UGT1A4: variants seen among roughly 807,000 people sequenced by gnomAD.
UGT1A4 encodes UDP-glucuronosyltransferase 1A4.
In UGT1A4, 32 loss-of-function variants were observed where a neutral mutation model predicts 41.1. The observed-to-expected ratio is 0.78, with a 90% confidence interval of 0.59 to 1.05. UGT1A4 has a LOEUF of 1.05. UGT1A4 is among the 50% of genes least tolerant of loss of function. UGT1A4 has a pLI of 0.00. For synonymous variants in UGT1A4, 283 were observed against 265.1 expected (o/e 1.07, Z -0.66); for missense variants, 748 against 677.4 (o/e 1.10, Z -1.16).
chr2:233,721,049 T>C (rs1041518517), intron 1 of UGT1A4, among the ~76,000 whole-genome samples: 1 of 152,122 alleles, frequency 6.6e-6, no homozygotes, highest in Non-Finnish European at 1.5e-5. Context: ...GAGCCCTTTT[T>C]TGTCATATTC....
rs148007151 is a variant in UGT1A4, at chr2:233,719,072, G to C, written c.252G>C (p.Trp84Cys). 2 of 1,614,284 alleles carry C rather than the reference G, an allele frequency of 1.2e-6. No individual in the cohort carries two copies. Among genetic ancestry groups the C allele is most frequent in the African/African-American group, 2.7e-5 (2 of 75,080 alleles). The change falls in exon 1 of 5, where the codon TGG (tryptophan) becomes TGC (cysteine). Residue 84 changes from tryptophan (W) to cysteine (C), a missense_variant. By Grantham distance (215) the Trp-to-Cys change is radical. Transcript: ENST00000373409. ...CCCTGACAGCCTATGCTGTTCCATG[G>C]ACCCAGAAGGAATTTGATCGCGTTA... The part of the protein sequence containing the change: ...FFTLTAYAVP[W>C]TQKEFDRVTL...
chr2:233,767,812 T>G, intron 2 of UGT1A4, 37 bp from the exon 3 acceptor site: 9 of 1,614,150 alleles, frequency 5.6e-6, no homozygotes, highest in Non-Finnish European at 7.6e-6. Flanking sequence ...TCATATTATG[T>G]TCTTTCTTTA....
chr2:233,745,363 G>T (rs1011191922), intron 1 of UGT1A4, among the ~76,000 whole-genome samples: 1 of 151,804 alleles, frequency 6.6e-6, no homozygotes, highest in African/African-American at 2.4e-5. Flanking sequence ...ATTTTTTTGA[G>T]ATCTGAGTTC....
chr2:233,757,194 T>A (rs1696434308), intron 1 of UGT1A4, among the ~76,000 whole-genome samples: 1 of 150,834 alleles, frequency 6.6e-6, no homozygotes, highest in Non-Finnish European at 1.5e-5. Context: ...GACTCTGAAT[T>A]TTCTGTGCCC....
Position 233,765,707 on chromosome 2 carries a change from ATAAT to A in UGT1A4, c.868-1322_868-1319del, listed in dbSNP as rs1196419117. Among the ~76,000 whole-genome samples, 12 of 144,042 alleles carry A rather than the reference ATAAT, an allele frequency of 8.3e-5. No individual in the cohort carries two copies. The East Asian group carries it at 2.3e-3, about 27-fold the overall frequency. 94.5% of individuals were successfully genotyped at this position (144,042 alleles called of 152,430 possible). Reference sequence around the variant, plus strand: ...GAACTTCAAGTAAATAATAATAATAATAATTAATAATAATAATAATAATAAATAA... The same window carrying A: ...GAACTTCAAGTAAATAATAATAATAATAATAATAATAATAATAATAAATAA... On this transcript the variant is annotated intron_variant, in intron 1 of 4. Transcript: ENST00000373409.
intron 1 of UGT1A4, chr2:233,740,664 A>G (rs1345559084): frequency 6.6e-6 from 1 of 151,798 alleles, no homozygotes; most frequent in East Asian, 1.9e-4. Context: ...GTGAGAAGGT[A>G]CAGGTGTTTC....
intron 1 of UGT1A4, chr2:233,748,021 T>C: frequency 1.9e-6 from 3 of 1,613,578 alleles, no homozygotes; most frequent in Non-Finnish European, 2.5e-6. Context: ...AGGCCGATCA[T>C]GCCCAACATG....
intron 1 of UGT1A4, among the ~76,000 whole-genome samples, chr2:233,745,590 G>A (rs565744032): frequency 1.3e-5 from 2 of 151,664 alleles, no homozygotes; most frequent in Admixed American, 6.5e-5. Context: ...CCTGAGACCC[G>A]GACTTGGCAC....
chr2:233,729,879 T>C (rs2125748829), intron 1 of UGT1A4: 1 of 1,613,906 alleles, frequency 6.2e-7, no homozygotes, highest in Non-Finnish European at 8.5e-7. Context: ...TTCTCAGTCA[T>C]GCATCTGTGT....
chr2:233,757,451 G>GTC (rs1696532284), intron 1 of UGT1A4, among the ~76,000 whole-genome samples: 1 of 150,202 alleles, frequency 6.7e-6, no homozygotes, highest in South Asian at 2.1e-4. Context: ...ACAGAAACAT[G>GTC]TCCAGAGCGC....
At chr2:233,750,678 C>T (rs1368928453) in intron 1 of UGT1A4, 1 of 151,600 alleles carries the variant, frequency 6.6e-6, no homozygotes, top group Admixed American at 6.5e-5. Context: ...CCCAGTGGCT[C>T]CAGCCATGGC....
chr2:233,745,955 G>T (rs1353220886), intron 1 of UGT1A4, among the ~76,000 whole-genome samples: 1 of 151,634 alleles, frequency 6.6e-6, no homozygotes, highest in Non-Finnish European at 1.5e-5. Flanking sequence ...GGCAACTGGG[G>T]GACAGGGGCC....
intron 1 of UGT1A4, among the ~76,000 whole-genome samples, chr2:233,757,562 G>GTATATATATA (rs1491042837): frequency 2.2e-5 from 2 of 90,868 alleles, no homozygotes; most frequent in Admixed American, 1.0e-4. Flanking sequence ...ATATATATAT[G>GTATATATATA]TATATATGAT....
chr2:233,734,166 G>A (rs959172847), intron 1 of UGT1A4, among the ~76,000 whole-genome samples: 2 of 151,962 alleles, frequency 1.3e-5, no homozygotes, highest in Non-Finnish European at 2.9e-5. Flanking sequence ...GACTTTTTTT[G>A]GTTGGTAGGC....
intron 1 of UGT1A4, among the ~76,000 whole-genome samples, chr2:233,735,435 G>C (rs2078651212): frequency 6.6e-6 from 1 of 152,062 alleles, no homozygotes; most frequent in South Asian, 2.1e-4. Flanking sequence ...CCTGAATACA[G>C]CATACCGATG....
intron 1 of UGT1A4, among the ~76,000 whole-genome samples, chr2:233,738,740 C>T (rs1235036519): frequency 1.3e-5 from 2 of 152,136 alleles, no homozygotes; most frequent in Non-Finnish European, 2.9e-5. Context: ...GCAGCCTGAC[C>T]ATGTGGTAGA....
chr2:233,758,823 C>T (rs1559405168), intron 1 of UGT1A4, among the ~76,000 whole-genome samples: 1 of 152,154 alleles, frequency 6.6e-6, no homozygotes, highest in African/African-American at 2.4e-5. Flanking sequence ...GTATATCCCC[C>T]CCAAAAAGAG....
intron 1 of UGT1A4, among the ~76,000 whole-genome samples, chr2:233,745,269 G>A (rs528500230): frequency 2.6e-5 from 4 of 151,940 alleles, no homozygotes; most frequent in Admixed American, 2.6e-4. Context: ...CTTGCAGGCC[G>A]TGTGTATAGC....
At chr2:233,752,448 A>G (rs1409153426) in intron 1 of UGT1A4, 1 of 152,234 alleles carries the variant, frequency 6.6e-6, no homozygotes, top group Admixed American at 6.5e-5. Flanking sequence ...ATAAAAGATG[A>G]ATACCCACAT....
Sources: gnomAD v4.1 joint callset for allele counts (sites outside exome capture counted in the v4.1 genomes callset) on GRCh38, gnomAD v4.1.1 for gene constraint, MANE v1.5 for transcripts, NCBI Gene and HGNC (gene_info 2026-07-23, HGNC 2026-07-21) for gene names.